AK9: variants seen among roughly 807,000 people sequenced by gnomAD.
The protein encoded by AK9 is adenylate kinase 9, also known as adenylate kinase domain containing 1.
Under a neutral mutation model 239.6 loss-of-function variants are expected in AK9, and 191 were observed. The observed-to-expected ratio is 0.80, with a 90% CI of 0.71 to 0.90. The LOEUF (loss-of-function observed/expected upper bound fraction) is 0.90, where lower values mean the gene tolerates loss of function less well. Ranked by LOEUF, AK9 falls within the 40% of genes least tolerant of loss-of-function variation. The pLI, the probability that AK9 is intolerant of heterozygous loss-of-function variation, is 0.00. For missense variants in AK9, 1,995 were observed against 2,214.7 expected (o/e 0.90, Z 1.99); for synonymous variants, 689 against 721.0 (o/e 0.96, Z 0.71).
At chr6:109,562,266 T>C (rs564591412) in intron 24 of AK9, among the ~76,000 whole-genome samples, 1 of 152,342 alleles carries the variant, frequency 6.6e-6, no homozygotes, top group South Asian at 2.1e-4. Flanking sequence ...TATTGCTATT[T>C]CTCTTGCAGT....
At chr6:109,528,461 CA>C in intron 29 of AK9, 1 of 424,328 alleles carries the variant, frequency 2.4e-6, no homozygotes, top group Non-Finnish European at 4.7e-6. Flanking sequence ...AAAATCGAGG[CA>C]AATAATTAAG....
intron 10 of AK9, among the ~76,000 whole-genome samples, chr6:109,635,127 A>G (rs1455190493): frequency 6.6e-6 from 1 of 152,184 alleles, no homozygotes; most frequent in African/African-American, 2.4e-5. Context: ...AAAAAAAAGA[A>G]ATAAACTCAT....
Position 109,573,579 on chromosome 6 carries a change from T to C in AK9, c.2207A>G (p.Asp736Gly). The change falls in exon 21 of 41, where the codon GAT becomes GGT. Residue 736 changes from aspartate (D) to glycine (G), a missense_variant. Coordinates refer to ENST00000424296, the MANE Select transcript of AK9 (RefSeq NM_001145128.3). ...TTCAATCTCCTCTTCATCCTCATTA[T>C]CAGTCTCTTCAGCTTCTAAAAAAAT... ...KVKAKEAEET[D>G]NEDEEEIEGD... 5.8e-6 allele frequency: 9 copies of C among 1,545,440 alleles called. No homozygotes were observed. The highest frequency in any genetic ancestry group is 1.2e-5 in the South Asian group (1 of 82,348).
intron 33 of AK9, among the ~76,000 whole-genome samples, chr6:109,508,346 T>C (rs903682888): frequency 8.5e-5 from 13 of 152,076 alleles, no homozygotes; most frequent in Admixed American, 4.6e-4. Flanking sequence ...GGTATTAAGG[T>C]GGAATGAAAT....
At chr6:109,570,352 A>T (rs1295488916) in intron 21 of AK9, among the ~76,000 whole-genome samples, 2 of 152,112 alleles carry the variant, frequency 1.3e-5, no homozygotes, top group Non-Finnish European at 2.9e-5. Flanking sequence ...CGGGTGCAGC[A>T]CACCAACATG....
At chr6:109,530,700 T>C (rs1442614377) in intron 28 of AK9, among the ~76,000 whole-genome samples, 1 of 152,182 alleles carries the variant, frequency 6.6e-6, no homozygotes, top group African/African-American at 2.4e-5. Context: ...TAATATATAT[T>C]CTTTCACTTT....
At chr6:109,586,149 G>A in intron 17 of AK9, 77 bp from the exon 18 acceptor site, 3 of 1,237,484 alleles carry the variant, frequency 2.4e-6, no homozygotes, top group South Asian at 2.0e-5. Context: ...TAATTTTTGT[G>A]GATCTTAAAC....
At chr6:109,687,570 C>T (rs930485527) in intron 1 of AK9, among the ~76,000 whole-genome samples, 7 of 152,324 alleles carry the variant, frequency 4.6e-5, no homozygotes, top group Non-Finnish European at 8.8e-5. Context: ...AGTGCAGCCC[C>T]TGCCAACAGC....
intron 29 of AK9, among the ~76,000 whole-genome samples, chr6:109,517,176 C>T (rs1436778560): frequency 6.6e-6 from 1 of 152,168 alleles, no homozygotes; most frequent in African/African-American, 2.4e-5. Context: ...TGGTTTCTTT[C>T]AGTTTTCCTG....
chr6:109,540,444 C>A (rs2128146390), intron 27 of AK9, among the ~76,000 whole-genome samples: 1 of 152,314 alleles, frequency 6.6e-6, no homozygotes, highest in Admixed American at 6.5e-5. Context: ...TTGCTAAGAC[C>A]ATTGGAAAAG....
At chr6:109,560,519 G>A (rs1452732197) in intron 24 of AK9, among the ~76,000 whole-genome samples, 3 of 152,064 alleles carry the variant, frequency 2.0e-5, no homozygotes, top group Non-Finnish European at 4.4e-5. Flanking sequence ...ATCTATTGAG[G>A]TGATCATGGT....
intron 8 of AK9, among the ~76,000 whole-genome samples, chr6:109,649,326 T>C (rs1280160562): frequency 1.3e-5 from 2 of 151,840 alleles, no homozygotes; most frequent in African/African-American, 2.4e-5. Flanking sequence ...ATGACATGAT[T>C]GCATATCTAG....
At chr6:109,546,786 C>T (rs1783624136) in intron 25 of AK9, among the ~76,000 whole-genome samples, 1 of 152,150 alleles carries the variant, frequency 6.6e-6, no homozygotes, top group Admixed American at 6.5e-5. Context: ...CAGCCTCACA[C>T]CATACTTTTA....
intron 17 of AK9, among the ~76,000 whole-genome samples, chr6:109,593,515 G>T (rs888724917): frequency 1.3e-5 from 2 of 152,010 alleles, no homozygotes; most frequent in Non-Finnish European, 2.9e-5. Flanking sequence ...CTCATTTCAC[G>T]AGGCCAGCAT....
Position 109,610,630 on chromosome 6 carries a change from G to A in AK9, c.1694-117C>T, listed in dbSNP as rs566679854. On this transcript the variant is annotated intron_variant, in intron 16 of 40. Coordinates refer to ENST00000424296, the MANE Select transcript of AK9 (RefSeq NM_001145128.3). ...AAGAAAGTATTATTTTCATGTCACCGCAGCACATGTTGGAAGGAGGGAGAA... is the reference window on the plus strand; with the variant it reads ...AAGAAAGTATTATTTTCATGTCACCACAGCACATGTTGGAAGGAGGGAGAA... 3.5e-5 allele frequency: 39 copies of A among 1,113,958 alleles called. No individual in the cohort carries two copies. In the African/African-American group the frequency reaches 5.4e-4, roughly 15 times the overall value. 69.0% of individuals were successfully genotyped at this position (1,113,958 alleles called of 1,614,324 possible).
chr6:109,679,427 T>A (rs1772288430), intron 1 of AK9, among the ~76,000 whole-genome samples: 1 of 151,786 alleles, frequency 6.6e-6, no homozygotes, highest in African/African-American at 2.4e-5. Flanking sequence ...GCAGGGTATC[T>A]CTGAAAAAAA....
At chr6:109,613,444 C>T (rs1354814661) in intron 15 of AK9, among the ~76,000 whole-genome samples, 1 of 151,738 alleles carries the variant, frequency 6.6e-6, no homozygotes, top group Non-Finnish European at 1.5e-5. Context: ...ACAGAAAATA[C>T]TGAGGAAACA....
At chr6:109,640,605 G>T (rs1423617584) in intron 10 of AK9, among the ~76,000 whole-genome samples, 1 of 151,058 alleles carries the variant, frequency 6.6e-6, no homozygotes, top group African/African-American at 2.4e-5. Flanking sequence ...TTTTTGTAGG[G>T]CCAGAGTCTC....
At chr6:109,655,808 G>A (rs1799620957) in intron 8 of AK9, among the ~76,000 whole-genome samples, 1 of 152,166 alleles carries the variant, frequency 6.6e-6, no homozygotes, top group Non-Finnish European at 1.5e-5. Context: ...ATTGAAGGAA[G>A]AAAGGATGTT....
Sources: gnomAD v4.1 joint callset for allele counts (sites outside exome capture counted in the v4.1 genomes callset) on GRCh38, gnomAD v4.1.1 for gene constraint, MANE v1.5 for transcripts, NCBI Gene and HGNC (gene_info 2026-07-23, HGNC 2026-07-21) for gene names.